RBFOX2: variants seen among roughly 807,000 people sequenced by gnomAD.
RBFOX2 encodes RNA binding fox-1 homolog 2.
Under a neutral mutation model 49.1 loss-of-function variants are expected in RBFOX2, and 10 were observed. The ratio of observed to expected loss-of-function variants is 0.20; its 90% CI spans 0.13 to 0.35. The LOEUF is 0.35. RBFOX2 is among the 10% of genes least tolerant of loss of function. The probability of loss-of-function intolerance (pLI) is 1.00; values close to 1 mark genes in which losing one functional copy is unlikely to be tolerated. For synonymous variants in RBFOX2, 183 were observed against 187.4 expected (o/e 0.98, Z 0.19); for missense variants, 323 against 486.9 (o/e 0.66, Z 3.17).
intron 9 of RBFOX2, 68 bp from the exon 12 acceptor site, chr22:35,746,629 C>A: frequency 1.0e-6 from 1 of 954,566 alleles, no homozygotes; most frequent in South Asian, 2.1e-5. Flanking sequence ...AACACACACC[C>A]GCCCACACAC....
intron 1 of RBFOX2, among the ~76,000 whole-genome samples, chr22:35,828,925 C>T (rs769296197): frequency 2.0e-5 from 3 of 152,042 alleles, no homozygotes; most frequent in Non-Finnish European, 4.4e-5. Flanking sequence ...GTGGTACGCA[C>T]CTGTAATCCC....
chr22:35,938,143 G>A (rs2053307649), intron 1 of RBFOX2, among the ~76,000 whole-genome samples: 1 of 152,134 alleles, frequency 6.6e-6, no homozygotes, highest in African/African-American at 2.4e-5. Flanking sequence ...TCAGAGGCGA[G>A]GTGATTTAAG....
At chr22:35,914,084 A>T (rs534920349) in intron 1 of RBFOX2, among the ~76,000 whole-genome samples, 1 of 152,262 alleles carries the variant, frequency 6.6e-6, no homozygotes, top group African/African-American at 2.4e-5. Flanking sequence ...TCAGAGTGAA[A>T]ATGCTGGCAG....
chr22:35,991,945 T>C (rs2058000677), intron 1 of RBFOX2, among the ~76,000 whole-genome samples: 1 of 152,220 alleles, frequency 6.6e-6, no homozygotes, highest in Non-Finnish European at 1.5e-5. Flanking sequence ...TGTGGCTAAG[T>C]GCTTTACTTG....
At chr22:35,927,277 T>C (rs558818988) in intron 1 of RBFOX2, among the ~76,000 whole-genome samples, 55 of 152,132 alleles carry the variant, frequency 3.6e-4, no homozygotes, top group African/African-American at 1.2e-3. Context: ...ATGCCCAAGA[T>C]AGATATTTGA....
chr22:35,829,313 T>C (rs2148635250), intron 1 of RBFOX2, among the ~76,000 whole-genome samples: 1 of 152,166 alleles, frequency 6.6e-6, no homozygotes, highest in African/African-American at 2.4e-5. Flanking sequence ...AATACATATG[T>C]TAGAATTAGC....
intron 1 of RBFOX2, among the ~76,000 whole-genome samples, chr22:35,959,734 G>T (rs2055991933): frequency 6.6e-6 from 1 of 152,152 alleles, no homozygotes; most frequent in Non-Finnish European, 1.5e-5. Flanking sequence ...AAAAACTACA[G>T]ATTTCCCTCC....
chr22:35,987,062 A>G (rs1051526268), intron 1 of RBFOX2, among the ~76,000 whole-genome samples: 4 of 151,660 alleles, frequency 2.6e-5, no homozygotes, highest in African/African-American at 9.7e-5. Flanking sequence ...TTGGTGTTTT[A>G]TCTTCCATTT....
At chr22:35,852,284 G>A (rs1437232892) in intron 1 of RBFOX2, among the ~76,000 whole-genome samples, 1 of 151,968 alleles carries the variant, frequency 6.6e-6, no homozygotes, top group Non-Finnish European at 1.5e-5. Context: ...GGGTGTGAGA[G>A]GGTGTATCCT....
intron 1 of RBFOX2, among the ~76,000 whole-genome samples, chr22:35,889,388 C>A (rs576765048): frequency 6.6e-6 from 1 of 152,178 alleles, no homozygotes; most frequent in East Asian, 1.9e-4. Context: ...AGTACTAAAT[C>A]CAAAACCAAA....
chr22:35,756,434 G>C (rs952320172), intron 9 of RBFOX2, among the ~76,000 whole-genome samples: 1 of 152,124 alleles, frequency 6.6e-6, no homozygotes, highest in Non-Finnish European at 1.5e-5. Context: ...ACTCCTAGAA[G>C]AGCCTATTAT....
intron 1 of RBFOX2, chr22:35,898,211 G>A (rs1409592290): frequency 1.3e-6 from 1 of 756,994 alleles, no homozygotes; most frequent in East Asian, 2.5e-5. Flanking sequence ...CATCGGCCCA[G>A]GAATCCTGTT....
chr22:35,903,938 T>C (rs999927376), intron 1 of RBFOX2, among the ~76,000 whole-genome samples: 3 of 139,276 alleles, frequency 2.2e-5, no homozygotes, highest in Non-Finnish European at 4.5e-5. Flanking sequence ...CGGCATCACA[T>C]TACATTTTTC....
chr22:35,792,315 C>CAAA (rs1187704252), intron 2 of RBFOX2, among the ~76,000 whole-genome samples: 2 of 36,408 alleles, frequency 5.5e-5, no homozygotes, highest in Non-Finnish European at 1.1e-4. Flanking sequence ...AACTCCGTCT[C>CAAA]AAAAAAAAAA....
upstream of RBFOX2, among the ~76,000 whole-genome samples, chr22:35,844,376 A>C (rs773244875): frequency 1.3e-5 from 2 of 152,232 alleles, no homozygotes; most frequent in Non-Finnish European, 2.9e-5. Flanking sequence ...TACTCTAGCC[A>C]TTTATTTATT....
intron 1 of RBFOX2, among the ~76,000 whole-genome samples, chr22:35,904,277 C>T (rs2048893580): frequency 6.6e-6 from 1 of 152,158 alleles, no homozygotes; most frequent in Non-Finnish European, 1.5e-5. Flanking sequence ...TGTTTATGTT[C>T]TTCCTAGCAG....
intron 9 of RBFOX2, among the ~76,000 whole-genome samples, chr22:35,752,416 G>A (rs926795731): frequency 1.3e-5 from 2 of 152,208 alleles, no homozygotes; most frequent in Admixed American, 6.5e-5. Context: ...AATTTTAGAG[G>A]AAGTGCCATT....
chr22:35,985,618 G>C (rs1423414791), intron 1 of RBFOX2, among the ~76,000 whole-genome samples: 2 of 152,108 alleles, frequency 1.3e-5, no homozygotes, highest in East Asian at 1.9e-4. Flanking sequence ...CCATGTGTGG[G>C]AGCCACACCA....
At chr22:35,976,336 AC>A (rs144627809) in intron 1 of RBFOX2, among the ~76,000 whole-genome samples, 16 of 145,802 alleles carry the variant, frequency 1.1e-4, no homozygotes, top group South Asian at 4.6e-4. Flanking sequence ...CACCACCACC[AC>A]CCCCCCCTCT....
Sources: gnomAD v4.1 joint callset for allele counts (sites outside exome capture counted in the v4.1 genomes callset) on GRCh38, gnomAD v4.1.1 for gene constraint, MANE v1.5 for transcripts, NCBI Gene and HGNC (gene_info 2026-07-23, HGNC 2026-07-21) for gene names.